Variants in CNTN4 observed in about 807,000 individuals in gnomAD.
The protein encoded by CNTN4 is contactin-4.
A neutral mutation model predicts 122.5 loss-of-function variants in CNTN4; 77 were observed. The observed-to-expected ratio is 0.63, with a 90% CI of 0.52 to 0.76. The LOEUF is 0.76. CNTN4 is among the 30% of genes least tolerant of loss of function. CNTN4 has a pLI of 0.00. For synonymous variants in CNTN4, 512 were observed against 447.0 expected (o/e 1.15, Z -1.83); for missense variants, 1,256 against 1,259.1 (o/e 1.00, Z 0.04).
At chr3:2,396,904 T>C (rs573519427) in intron 3 of CNTN4, among the ~76,000 whole-genome samples, 12 of 152,272 alleles carry the variant, frequency 7.9e-5, no homozygotes, top group Admixed American at 4.6e-4. Context: ...AGTGGTGTGT[T>C]ATGGGGTTTA....
chr3:2,951,155 A>C (rs1212714584), intron 13 of CNTN4, among the ~76,000 whole-genome samples: 1 of 152,200 alleles, frequency 6.6e-6, no homozygotes, highest in Non-Finnish European at 1.5e-5. Context: ...CGAACAATGA[A>C]TCTTCCCTCT....
chr3:2,961,863 G>C (rs561718889), intron 13 of CNTN4, among the ~76,000 whole-genome samples: 40 of 152,332 alleles, frequency 2.6e-4, no homozygotes, highest in Non-Finnish European at 4.4e-4. Flanking sequence ...AATTCTTCTA[G>C]AAAGTGTGTC....
intron 6 of CNTN4, among the ~76,000 whole-genome samples, chr3:2,757,669 T>G (rs1559471029): frequency 6.6e-6 from 1 of 152,192 alleles, no homozygotes; most frequent in Admixed American, 6.5e-5. Context: ...CTAGCTGTCA[T>G]GTATTTTATG....
intron 3 of CNTN4, among the ~76,000 whole-genome samples, chr3:2,342,556 G>C (rs1031803742): frequency 2.0e-5 from 3 of 152,126 alleles, no homozygotes; most frequent in African/African-American, 4.8e-5. Context: ...GGAGGGAGCC[G>C]GTGGGAGGTA....
intron 2 of CNTN4, among the ~76,000 whole-genome samples, chr3:2,177,908 C>T (rs1164695764): frequency 6.6e-6 from 1 of 152,096 alleles, no homozygotes; most frequent in African/African-American, 2.4e-5. Context: ...ATTTAACCAT[C>T]ACAATTGCCT....
At chr3:2,412,735 T>C (rs974254814) in intron 3 of CNTN4, among the ~76,000 whole-genome samples, 3 of 152,162 alleles carry the variant, frequency 2.0e-5, no homozygotes, top group Admixed American at 6.5e-5. Context: ...GCATCATACG[T>C]ATATACCTTT....
chr3:2,455,051 TA>T (rs148570361), intron 3 of CNTN4, among the ~76,000 whole-genome samples: 30,296 of 152,000 alleles, frequency 0.2, 3,486 homozygotes, highest in Middle Eastern at 0.28. Context: ...GGGACAAAAA[TA>T]AAACCAGTAA....
At position 2,126,184 on chromosome 3, in the gene CNTN4, T is replaced by C. The variant is rs932101545; in HGVS notation, c.-145+25545T>C. Among the ~76,000 whole-genome samples the C allele has an allele frequency of 8.5e-5, 13 of 152,140 alleles. 1 individual carries two copies. Among genetic ancestry groups the C allele is most frequent in the African/African-American group, 2.4e-5 (1 of 41,416 alleles). On this transcript the variant is annotated intron_variant, in intron 2 of 24. Transcript: ENST00000418658. ...TTTCCTTAGGGACCCTTGGGATCTC[T>C]AACCGCTTAAAATCTAGAAGCTCTT...
At chr3:2,428,861 G>C (rs886925813) in intron 3 of CNTN4, among the ~76,000 whole-genome samples, 1 of 152,112 alleles carries the variant, frequency 6.6e-6, no homozygotes, top group African/African-American at 2.4e-5. Context: ...CCAGTTGATC[G>C]AATCGGCTAC....
At chr3:2,184,521 A>G (rs922597394) in intron 2 of CNTN4, among the ~76,000 whole-genome samples, 3 of 152,114 alleles carry the variant, frequency 2.0e-5, no homozygotes, top group Non-Finnish European at 2.9e-5. Flanking sequence ...TAGGACATCT[A>G]TTCCTGTGTA....
At chr3:2,257,127 T>TAATG (rs985734265) in intron 2 of CNTN4, among the ~76,000 whole-genome samples, 41 of 150,844 alleles carry the variant, frequency 2.7e-4, no homozygotes, top group African/African-American at 9.5e-4. Context: ...GCCTCAGAAA[T>TAATG]AATGCCTCAC....
intron 2 of CNTN4, among the ~76,000 whole-genome samples, chr3:2,192,513 G>C (rs1333323094): frequency 1.3e-5 from 2 of 152,092 alleles, no homozygotes; most frequent in Non-Finnish European, 2.9e-5. Context: ...TGCAGAATGG[G>C]AGAAAATTTT....
At chr3:3,050,180 C>T (rs1037089953) in intron 23 of CNTN4, among the ~76,000 whole-genome samples, 2 of 152,102 alleles carry the variant, frequency 1.3e-5, no homozygotes, top group Non-Finnish European at 2.9e-5. Context: ...TTGGAGAGGA[C>T]AAGCATCCAA....
intron 2 of CNTN4, among the ~76,000 whole-genome samples, chr3:2,258,510 A>C (rs1162803126): frequency 6.6e-6 from 1 of 152,182 alleles, no homozygotes; most frequent in Non-Finnish European, 1.5e-5. Context: ...GAAATATATT[A>C]ACATTAGCTA....
At chr3:2,530,056 C>T (rs540283788) in intron 3 of CNTN4, among the ~76,000 whole-genome samples, 1 of 152,254 alleles carries the variant, frequency 6.6e-6, no homozygotes, top group South Asian at 2.1e-4. Context: ...TCCTCCCTGG[C>T]AGTGGAATCA....
At chr3:2,408,605 G>A (rs914927483) in intron 3 of CNTN4, among the ~76,000 whole-genome samples, 2 of 152,132 alleles carry the variant, frequency 1.3e-5, no homozygotes, top group Non-Finnish European at 2.9e-5. Flanking sequence ...TGTGAAGACA[G>A]AAGTTCCCAA....
chr3:3,004,227 T>G (rs1431188259), intron 14 of CNTN4, among the ~76,000 whole-genome samples: 1 of 152,190 alleles, frequency 6.6e-6, no homozygotes, highest in East Asian at 1.9e-4. Context: ...TCTCCAGATG[T>G]CCTAGATGTC....
At chr3:3,054,194 T>A (rs1221437549) in intron 24 of CNTN4, among the ~76,000 whole-genome samples, 1 of 152,200 alleles carries the variant, frequency 6.6e-6, no homozygotes, top group Non-Finnish European at 1.5e-5. Context: ...TAATCAAAAA[T>A]CAGATTAAAG....
At chr3:2,825,424 A>C (rs1428694221) in intron 7 of CNTN4, among the ~76,000 whole-genome samples, 7 of 151,972 alleles carry the variant, frequency 4.6e-5, no homozygotes. Context: ...GGGTTTTGCC[A>C]TGTTGACCAG....
Sources: allele counts gnomAD v4.1 joint callset (sites outside exome capture counted in the v4.1 genomes callset), GRCh38; gene constraint gnomAD v4.1.1; transcripts MANE v1.5; gene names NCBI Gene and HGNC (gene_info 2026-07-23, HGNC 2026-07-21).